The following CCDC141 variants were observed in gnomAD, a reference collection of about 807,000 sequenced individuals.
The protein encoded by CCDC141 is coiled-coil domain-containing protein 141.
A neutral mutation model predicts 181.0 loss-of-function variants in CCDC141; 168 were observed. The ratio of observed to expected loss-of-function variants is 0.93; its 90% CI spans 0.82 to 1.05. The LOEUF (loss-of-function observed/expected upper bound fraction) is 1.05, where lower values mean the gene tolerates loss of function less well. Ranked by LOEUF, CCDC141 falls within the 50% of genes least tolerant of loss-of-function variation. The pLI, the probability that CCDC141 is intolerant of heterozygous loss-of-function variation, is 0.00. For synonymous variants in CCDC141, 666 were observed against 642.3 expected, an observed-to-expected ratio of 1.04 and a Z score of -0.56; for missense variants, 1,902 against 1,788.5, an observed-to-expected ratio of 1.06 and a Z score of -1.14.
chr2:179,046,730 T>G (rs1462381302), intron 2 of CCDC141, among the ~76,000 whole-genome samples: 1 of 152,240 alleles, frequency 6.6e-6, no homozygotes. Context: ...TGATCTTACC[T>G]GGCCTTTATC....
At chr2:178,834,671 A>G (rs1684403640) in intron 23 of CCDC141, among the ~76,000 whole-genome samples, 1 of 151,912 alleles carries the variant, frequency 6.6e-6, no homozygotes, top group Non-Finnish European at 1.5e-5. Context: ...CCTGGGATCA[A>G]GCAATCCTCC....
chr2:178,928,723 T>A (rs1688995611), intron 6 of CCDC141, among the ~76,000 whole-genome samples: 1 of 152,202 alleles, frequency 6.6e-6, no homozygotes, highest in South Asian at 2.1e-4. Flanking sequence ...TTTATTTGCT[T>A]TCTTAACTCA....
At position 178,853,596 on chromosome 2, in the gene CCDC141, G is replaced by A. The variant is rs1432993738; in HGVS notation, c.3089C>T (p.Ala1030Val). Residue 1030 changes from alanine to valine, a missense_variant, in exon 20 of 24, where the codon GCC (alanine) becomes GTC (valine). Transcript: ENST00000443758. ...ATATTTTCCAACTCTTACAACTGTG[G>A]CACTTGCATCTTCGTACCAAAAATG... ...ECHFWYEDAS[A>V]TVVRVGKYST... The A allele has an allele frequency of 1.2e-6, 2 of 1,613,020 alleles. No individual in the cohort carries two copies. Among genetic ancestry groups the A allele is most frequent in the Non-Finnish European group, 8.5e-7 (1 of 1,179,494 alleles).
chr2:179,034,003 A>G (rs886338730), intron 2 of CCDC141, among the ~76,000 whole-genome samples: 8 of 152,184 alleles, frequency 5.3e-5, no homozygotes, highest in Admixed American at 6.6e-5. Flanking sequence ...CTGTTATTAT[A>G]TATTGTTTTG....
At chr2:178,840,065 C>A (rs1684659522) in intron 22 of CCDC141, among the ~76,000 whole-genome samples, 1 of 152,210 alleles carries the variant, frequency 6.6e-6, no homozygotes, top group Admixed American at 6.5e-5. Flanking sequence ...GCAGTTTCCA[C>A]CAATGGATCT....
chr2:178,890,536 C>A (rs2154371134), intron 8 of CCDC141, among the ~76,000 whole-genome samples: 1 of 152,228 alleles, frequency 6.6e-6, no homozygotes, highest in Non-Finnish European at 1.5e-5. Context: ...AGACTGTTAG[C>A]CAGCTTCTTG....
chr2:178,939,655 G>A (rs34415271), intron 6 of CCDC141, among the ~76,000 whole-genome samples: 25,902 of 152,050 alleles, frequency 0.17, 2,326 homozygotes, highest in Middle Eastern at 0.22. Context: ...ACCATGTGAG[G>A]TGGGTAGAAT....
intron 15 of CCDC141, among the ~76,000 whole-genome samples, chr2:178,868,883 G>C (rs1384238193): frequency 6.6e-6 from 1 of 152,112 alleles, no homozygotes. Context: ...ATGGCAGCCT[G>C]AGAGTCAAGG....
At chr2:178,967,322 C>T (rs6756389) in intron 4 of CCDC141, among the ~76,000 whole-genome samples, 4,022 of 151,890 alleles carry the variant, frequency 0.026, 191 homozygotes, top group African/African-American at 0.091. Flanking sequence ...AAAGTTGAAA[C>T]GAAGGAAAAA....
intron 2 of CCDC141, among the ~76,000 whole-genome samples, chr2:179,025,018 T>C (rs901466186): frequency 3.9e-5 from 6 of 152,170 alleles, no homozygotes; most frequent in Non-Finnish European, 8.8e-5. Flanking sequence ...TTGATTCTGA[T>C]GCCAGCCCAG....
chr2:178,983,239 C>T (rs553196764), intron 2 of CCDC141, among the ~76,000 whole-genome samples: 120 of 152,216 alleles, frequency 7.9e-4, no homozygotes, highest in African/African-American at 2.8e-3. Flanking sequence ...CTCCAACAGA[C>T]CTGCAGCTGA....
At chr2:179,030,960 C>T (rs2154386866) in intron 2 of CCDC141, among the ~76,000 whole-genome samples, 1 of 152,118 alleles carries the variant, frequency 6.6e-6, no homozygotes, top group Non-Finnish European at 1.5e-5. Flanking sequence ...GAACTATTTT[C>T]ATTCCCAAAA....
chr2:178,925,988 T>C (rs1688893319), intron 6 of CCDC141, among the ~76,000 whole-genome samples: 1 of 152,150 alleles, frequency 6.6e-6, no homozygotes, highest in Non-Finnish European at 1.5e-5. Flanking sequence ...GAAGGGAGGG[T>C]CTGTTTATGT....
chr2:178,920,269 A>G (rs959951883), intron 6 of CCDC141, among the ~76,000 whole-genome samples: 1 of 152,176 alleles, frequency 6.6e-6, no homozygotes, highest in African/African-American at 2.4e-5. Flanking sequence ...AAAGTATCCT[A>G]TTATTAAGTT....
chr2:178,978,637 T>C lies in CCDC141; in HGVS notation c.264A>G (p.Ala88=), dbSNP rs1691229045. The C allele has an allele frequency of 6.5e-7, 1 of 1,547,264 alleles. No individual in the cohort carries two copies. Residue 88 remains alanine, a synonymous_variant, in exon 3 of 24, where the codon GCA becomes GCG. Coordinates refer to ENST00000443758, the MANE Select transcript of CCDC141 (RefSeq NM_173648.4). ...CCTTGTTCTCTTCAGCTGTCTTGTC[T>C]GCTTCCTGCAAGAGTTCCCATACCC... ...EDRVWELLQE[A]DKTAEENKDQ...
the CCDC141 span, among the ~76,000 whole-genome samples, chr2:178,816,800 G>A: frequency 6.6e-6 from 1 of 152,148 alleles, no homozygotes; most frequent in African/African-American, 2.4e-5. Flanking sequence ...TAATTAGGGA[G>A]TATTCTACAA....
chr2:179,013,622 T>C (rs762693117), intron 2 of CCDC141, among the ~76,000 whole-genome samples: 3 of 152,034 alleles, frequency 2.0e-5, no homozygotes, highest in Non-Finnish European at 4.4e-5. Context: ...AATTCTAAAA[T>C]TCACATGAAA....
At chr2:178,855,229 A>C in intron 19 of CCDC141, 118 bp downstream of exon 19, 1 of 781,832 alleles carries the variant, frequency 1.3e-6, no homozygotes, top group Non-Finnish European at 2.0e-6. Flanking sequence ...AAATCATGAA[A>C]AGGAGCATGA....
chr2:178,899,567 T>C (rs944163754), intron 8 of CCDC141, among the ~76,000 whole-genome samples: 1 of 152,202 alleles, frequency 6.6e-6, no homozygotes, highest in Non-Finnish European at 1.5e-5. Flanking sequence ...TGGCATTGTT[T>C]TGGCACTCAG....
Sources: gnomAD v4.1 joint callset for allele counts (sites outside exome capture counted in the v4.1 genomes callset) on GRCh38, gnomAD v4.1.1 for gene constraint, MANE v1.5 for transcripts, NCBI Gene and HGNC (gene_info 2026-07-23, HGNC 2026-07-21) for gene names.